The following PPIL6 variants were observed in gnomAD, a reference collection of about 807,000 sequenced individuals.
The protein encoded by PPIL6 is peptidylprolyl isomerase like 6.
A neutral mutation model predicts 36.8 loss-of-function variants in PPIL6; 39 were observed. That is an observed-to-expected ratio of 1.06 (90% CI 0.82 to 1.38). The LOEUF (loss-of-function observed/expected upper bound fraction) is 1.38, where lower values mean the gene tolerates loss of function less well. Ranked by LOEUF, PPIL6 falls within the 40% of genes most tolerant of loss-of-function variation. The pLI, the probability that PPIL6 is intolerant of heterozygous loss-of-function variation, is 0.00. For missense variants in PPIL6, 368 were observed against 379.1 expected (o/e 0.97, Z 0.24); for synonymous variants, 123 against 134.1 (o/e 0.92, Z 0.57).
chr6:109,431,343 T>C lies in PPIL6; in HGVS notation c.234A>G (p.Glu78=). The change falls in exon 3 of 8, where the codon GAA becomes GAG. Residue 78 remains glutamate, a splice_region_variant and synonymous_variant. Transcript: ENST00000521072. ...AATATTCCCAGGTTTCATTTTTGAG[T>C]TCCTGTAAGGGAAAAGGACAAAAAA... is the stretch of plus-strand genomic sequence containing the variant. The part of the protein sequence containing the change: ...WHQYLQEKKR[E]LKNETWEYSS... 3.2e-6 allele frequency: 5 copies of C among 1,558,326 alleles called. No homozygotes were observed. Among genetic ancestry groups the C allele is most frequent in the Non-Finnish European group, 4.4e-6 (5 of 1,149,378 alleles).
intron 5 of PPIL6, among the ~76,000 whole-genome samples, chr6:109,424,142 GC>G (rs1383169107): frequency 6.6e-6 from 1 of 152,148 alleles, no homozygotes; most frequent in Non-Finnish European, 1.5e-5. Context: ...CAGGAAGATG[GC>G]AGTTTCATAT....
chr6:109,420,748 G>C (rs1773501211), intron 5 of PPIL6, among the ~76,000 whole-genome samples: 1 of 152,164 alleles, frequency 6.6e-6, no homozygotes, highest in Non-Finnish European at 1.5e-5. Context: ...GCTTTTTAAA[G>C]TCAGTATGAG....
chr6:109,432,325 C>T (rs183424640), intron 2 of PPIL6, among the ~76,000 whole-genome samples: 5 of 152,182 alleles, frequency 3.3e-5, no homozygotes, highest in African/African-American at 9.6e-5. Context: ...CAGCACAGTG[C>T]CTTCAGCCCC....
At chr6:109,411,515 C>T (rs998637639) in intron 6 of PPIL6, among the ~76,000 whole-genome samples, 1 of 152,208 alleles carries the variant, frequency 6.6e-6, no homozygotes, top group African/African-American at 2.4e-5. Context: ...TATGAACAAG[C>T]TACCTGGTTA....
intron 3 of PPIL6, 75 bp from the exon 4 acceptor site, chr6:109,427,231 C>T (rs540081133): frequency 5.6e-6 from 5 of 897,676 alleles, no homozygotes; most frequent in African/African-American, 5.0e-5. Flanking sequence ...ACCAAAAATA[C>T]AGCAGATACA....
At chr6:109,433,309 G>A (rs1364989263) in intron 2 of PPIL6, among the ~76,000 whole-genome samples, 5 of 151,872 alleles carry the variant, frequency 3.3e-5, no homozygotes, top group Non-Finnish European at 7.4e-5. Flanking sequence ...TGCCCGCCTC[G>A]GCCTCCCAAA....
At chr6:109,414,029 A>G (rs1773129995) in intron 6 of PPIL6, among the ~76,000 whole-genome samples, 1 of 152,226 alleles carries the variant, frequency 6.6e-6, no homozygotes, top group South Asian at 2.1e-4. Context: ...AAAAGAAAAA[A>G]TGAGTAAGAC....
intron 5 of PPIL6, among the ~76,000 whole-genome samples, chr6:109,422,468 G>A (rs1189098484): frequency 2.6e-5 from 4 of 152,166 alleles, no homozygotes; most frequent in African/African-American, 9.7e-5. Context: ...GGTAATGTGT[G>A]CCTGTAGTTC....
intron 5 of PPIL6, 56 bp from the exon 6 acceptor site, chr6:109,419,299 CAAT>C: frequency 8.4e-7 from 1 of 1,187,132 alleles, no homozygotes; most frequent in Non-Finnish European, 1.2e-6. Flanking sequence ...ATTTAGGATA[CAAT>C]AATGACAGGG....
intron 6 of PPIL6, among the ~76,000 whole-genome samples, chr6:109,407,107 A>T (rs1772827432): frequency 1.3e-5 from 2 of 152,224 alleles, no homozygotes; most frequent in Admixed American, 6.5e-5. Context: ...CAAAACAACA[A>T]TCTAAATTCT....
intron 2 of PPIL6, 122 bp downstream of exon 2, chr6:109,435,982 G>A (rs1774424164): frequency 1.4e-6 from 1 of 735,566 alleles, no homozygotes. Context: ...AGTACGTAAT[G>A]TAGAGAAATA....
chr6:109,422,977 G>A (rs374475665), intron 5 of PPIL6, among the ~76,000 whole-genome samples: 12 of 152,060 alleles, frequency 7.9e-5, no homozygotes, highest in African/African-American at 2.2e-4. Flanking sequence ...CCATAGCAGC[G>A]CTCATTCTTA....
At chr6:109,441,144 G>T, upstream of PPIL6, 1 of 1,614,156 alleles carries the variant, frequency 6.2e-7, no homozygotes, top group Non-Finnish European at 8.5e-7. Context: ...TTCTCCCTGC[G>T]ACTGCGGATC....
rs1562255242 is a variant in PPIL6, at chr6:109,399,248, C to T, written c.824+787G>A. Among the ~76,000 whole-genome samples the T allele has an allele frequency of 2.6e-5, 4 of 152,160 alleles. No homozygotes were observed. The South Asian group carries it at 8.3e-4, about 32-fold the overall frequency. On this transcript the variant is annotated intron_variant, in intron 7 of 7. Coordinates refer to ENST00000521072, the MANE Select transcript of PPIL6 (RefSeq NM_173672.5). ...TCAGCCTCCCGAGTAGCCGGGACTA[C>T]AGGTGCATGCCACCACGCCTGGCTA...
At chr6:109,439,511 A>C (rs1377166307) in intron 1 of PPIL6, among the ~76,000 whole-genome samples, 1 of 152,164 alleles carries the variant, frequency 6.6e-6, no homozygotes, top group Non-Finnish European at 1.5e-5. Context: ...GACCGCCACC[A>C]CGCCCGGCTA....
At chr6:109,438,863 A>G (rs1227995290) in intron 1 of PPIL6, among the ~76,000 whole-genome samples, 2 of 152,252 alleles carry the variant, frequency 1.3e-5, no homozygotes, top group African/African-American at 4.8e-5. Flanking sequence ...CTGGGATTAT[A>G]GGCAAGAGCC....
intron 2 of PPIL6, among the ~76,000 whole-genome samples, chr6:109,435,785 T>C (rs1184777089): frequency 6.6e-6 from 1 of 151,688 alleles, no homozygotes; most frequent in East Asian, 1.9e-4. Flanking sequence ...ACTAGCTAGG[T>C]GTGGTGGCGT....
intron 2 of PPIL6, among the ~76,000 whole-genome samples, chr6:109,435,174 G>A (rs970930110): frequency 6.6e-6 from 1 of 152,182 alleles, no homozygotes; most frequent in African/African-American, 2.4e-5. Context: ...GTGCCAGGGT[G>A]TGAGAGGAAG....
intron 6 of PPIL6, among the ~76,000 whole-genome samples, chr6:109,416,755 TTTAAG>T (rs1773279950): frequency 6.6e-6 from 1 of 152,200 alleles, no homozygotes; most frequent in Non-Finnish European, 1.5e-5. Flanking sequence ...TTCCTTTTGC[TTTAAG>T]TTGTCATATA....
Sources: gnomAD v4.1 joint callset for allele counts (sites outside exome capture counted in the v4.1 genomes callset) on GRCh38, gnomAD v4.1.1 for gene constraint, MANE v1.5 for transcripts, NCBI Gene and HGNC (gene_info 2026-07-23, HGNC 2026-07-21) for gene names.